Variants in SBNO2 observed in about 807,000 individuals in gnomAD.
The protein encoded by SBNO2 is strawberry notch homolog 2, also known as protein strawberry notch homolog 2.
A neutral mutation model predicts 146.3 loss-of-function variants in SBNO2; 89 were observed. That is an observed-to-expected ratio of 0.61 (90% CI 0.51 to 0.73). The LOEUF is 0.73. Among genes scored for constraint, SBNO2 ranks in the 30% least tolerant of loss-of-function variants. The pLI, the probability that SBNO2 is intolerant of heterozygous loss-of-function variation, is 0.00. For missense variants in SBNO2, 2,092 were observed against 2,003.7 expected, an observed-to-expected ratio of 1.04 and a Z score of -0.84; for synonymous variants, 1,147 against 892.6, an observed-to-expected ratio of 1.29 and a Z score of -5.08.
rs138233232 is a variant in SBNO2, at chr19:1,130,849, G to A, written c.280-3084C>T. Among the ~76,000 whole-genome samples, 415 of 152,268 alleles carry A rather than the reference G, an allele frequency of 2.7e-3. 1 individual carries two copies. Among genetic ancestry groups the A allele is most frequent in the Non-Finnish European group, 5.0e-3 (340 of 67,990 alleles). On this transcript the variant is annotated intron_variant, in intron 4 of 31. Transcript: ENST00000361757. ...ATGAGGGAGTGCTTGCAGCTTTCAGGCTTCAAGAACGCAGCCTCGAGGCCC... is the reference window on the plus strand; with the variant it reads ...ATGAGGGAGTGCTTGCAGCTTTCAGACTTCAAGAACGCAGCCTCGAGGCCC...
At chr19:1,159,583 GGGGACAGTGGA>G (rs1411517572) in intron 1 of SBNO2, among the ~76,000 whole-genome samples, 11 of 61,312 alleles carry the variant, frequency 1.8e-4, no homozygotes, top group African/African-American at 6.3e-4. Context: ...GGGAAGAGCA[GGGGACAGTGGA>G]GGGACAGCAG....
chr19:1,150,845 T>C lies in SBNO2; in HGVS notation c.94-1403A>G, dbSNP rs942069582. Among the ~76,000 whole-genome samples, 1 of 152,160 alleles carries C rather than the reference T, an allele frequency of 6.6e-6. No individual in the cohort carries two copies. The highest frequency in any genetic ancestry group is 2.4e-5 in the African/African-American group (1 of 41,438). ...TACCCGCAGGTGCTGGGTGGGGGATTCCAGGACCCCCGACAGCCTCGAGAT... is the reference window on the plus strand; with the variant it reads ...TACCCGCAGGTGCTGGGTGGGGGATCCCAGGACCCCCGACAGCCTCGAGAT... On this transcript the variant is annotated intron_variant, in intron 2 of 31. Transcript: ENST00000361757. The surrounding 1 kb of genome is among the most constrained non-coding windows in gnomAD (Gnocchi z 6.2).
intron 4 of SBNO2, among the ~76,000 whole-genome samples, chr19:1,142,212 T>A (rs147180074): frequency 4.9e-3 from 26 of 5,292 alleles, no homozygotes; most frequent in East Asian, 0.027. Flanking sequence ...ACCTCCCTCA[T>A]GATCAACCCT....
chr19:1,156,471 A>T (rs1326158272), intron 1 of SBNO2, among the ~76,000 whole-genome samples: 2 of 152,134 alleles, frequency 1.3e-5, no homozygotes, highest in African/African-American at 4.8e-5. Context: ...GCTGCTTGGC[A>T]GTCTGGGATT....
At chr19:1,161,925 G>GGGGGGGGGGC (rs2080350834) in intron 1 of SBNO2, among the ~76,000 whole-genome samples, 1 of 46,582 alleles carries the variant, frequency 2.1e-5, no homozygotes, top group African/African-American at 9.9e-5. Context: ...GGGGGGGGGG[G>GGGGGGGGGGC]TTGGGCCAGG....
chr19:1,153,843 T>C (rs1241440325), intron 2 of SBNO2, among the ~76,000 whole-genome samples: 1 of 152,222 alleles, frequency 6.6e-6, no homozygotes, highest in Non-Finnish European at 1.5e-5. Flanking sequence ...AGAAACATAT[T>C]TTTTAAGTAA....
intron 11 of SBNO2, among the ~76,000 whole-genome samples, chr19:1,121,081 G>A (rs192340693): frequency 1.4e-4 from 22 of 152,122 alleles, no homozygotes; most frequent in Admixed American, 5.9e-4. Flanking sequence ...TAGTACAGAC[G>A]TGGTTTCACC....
rs1307593835 is a variant in SBNO2, at chr19:1,122,927, G to A, written c.747C>T (p.Ala249=). The A allele has an allele frequency of 5.8e-6, 9 of 1,556,604 alleles. No individual in the cohort carries two copies. The highest frequency in any genetic ancestry group is 3.9e-5 in the Admixed American group (2 of 51,528). ...CGTAGGTGATGGCCTCTAGCTGCAGGGCAGACAGGGCCCCGCTGTCCGAGG... is the reference window on the plus strand; with the variant it reads ...CGTAGGTGATGGCCTCTAGCTGCAGAGCAGACAGGGCCCCGCTGTCCGAGG... ...ALPSDSGALS[A]LQLEAITYAC... The change falls in exon 8 of 32, where the codon GCC becomes GCT. Residue 249 remains alanine (A), a synonymous_variant. Coordinates refer to ENST00000361757, the MANE Select transcript of SBNO2 (RefSeq NM_014963.3).
At chr19:1,170,121 T>G (rs575579435) in intron 1 of SBNO2, among the ~76,000 whole-genome samples, 1 of 152,308 alleles carries the variant, frequency 6.6e-6, no homozygotes, top group East Asian at 1.9e-4. Context: ...AGAGCATCCA[T>G]GCCGGGCGCA....
chr19:1,146,431 G>A (rs2080190410), intron 4 of SBNO2, among the ~76,000 whole-genome samples: 1 of 152,140 alleles, frequency 6.6e-6, no homozygotes, highest in African/African-American at 2.4e-5. Flanking sequence ...CTTCTCTCTG[G>A]ATCTGGCCGG....
At chr19:1,139,276 T>C (rs2080113413) in intron 4 of SBNO2, among the ~76,000 whole-genome samples, 1 of 151,774 alleles carries the variant, frequency 6.6e-6, no homozygotes, top group Non-Finnish European at 1.5e-5. Flanking sequence ...TTCTATGAAA[T>C]GTGCAGGACA....
intron 1 of SBNO2, among the ~76,000 whole-genome samples, chr19:1,169,988 C>T (rs2080462113): frequency 6.6e-6 from 1 of 152,170 alleles, no homozygotes; most frequent in South Asian, 2.1e-4. Context: ...CTGGCCTGCT[C>T]TGGACACGTG....
At position 1,109,316 on chromosome 19, in the gene SBNO2, G is replaced by C. The variant is rs770087414; in HGVS notation, c.3324C>G (p.Asp1108Glu). ...IGRQSQLEALDSLRRKFHRVT... is the reference protein window; with the variant it reads ...IGRQSQLEALESLRRKFHRVT... Reference sequence around the variant, plus strand: ...CCCGGTGGAACTTGCGGCGGAGGCTGTCCAGGGCCTCCAGCTGGCTCTGCC... The same window carrying C: ...CCCGGTGGAACTTGCGGCGGAGGCTCTCCAGGGCCTCCAGCTGGCTCTGCC... The change falls in exon 29 of 32, where the codon GAC (aspartate) becomes GAG (glutamate). Residue 1108 changes from aspartate to glutamate, a missense_variant. Coordinates refer to ENST00000361757, the MANE Select transcript of SBNO2 (RefSeq NM_014963.3). The surrounding 1 kb of genome is among the most constrained non-coding windows in gnomAD (Gnocchi z 4.2). 1 of 1,597,402 alleles carries C rather than the reference G, an allele frequency of 6.3e-7. No homozygotes were observed. Among genetic ancestry groups the C allele is most frequent in the East Asian group, 2.3e-5 (1 of 44,140 alleles).
At chr19:1,139,843 G>A (rs2080118806) in intron 4 of SBNO2, among the ~76,000 whole-genome samples, 1 of 152,076 alleles carries the variant, frequency 6.6e-6, no homozygotes, top group East Asian at 1.9e-4. Context: ...TACTCAGGAG[G>A]CTGAGACAGG....
intron 4 of SBNO2, among the ~76,000 whole-genome samples, chr19:1,145,114 G>A (rs544009694): frequency 3.3e-5 from 5 of 152,002 alleles, no homozygotes; most frequent in African/African-American, 1.2e-4. Flanking sequence ...GATTGAGAGG[G>A]AGGGAGACAG....
chr19:1,113,898 G>A (rs958587068), intron 18 of SBNO2, among the ~76,000 whole-genome samples, 194 bp from the exon 19 acceptor site: 3 of 152,346 alleles, frequency 2.0e-5, no homozygotes, highest in Admixed American at 6.5e-5. Flanking sequence ...CAGCTGGGGC[G>A]AGACTAAGCC....
rs1440252875 is a variant in SBNO2, at chr19:1,140,254, C to T, written c.279+7055G>A. On this transcript the variant is annotated intron_variant, in intron 4 of 31. Coordinates refer to ENST00000361757, the MANE Select transcript of SBNO2 (RefSeq NM_014963.3). The surrounding 1 kb of genome is among the most constrained non-coding windows in gnomAD (Gnocchi z 4.4). ...GGCGTTGGTTGCAGTGAGCCGAGGT[C>T]ACGCCACTGCACTCCAGCCTGGGCG... 6.6e-6 allele frequency among the ~76,000 whole-genome samples: 1 copy of T among 151,216 alleles called. No homozygotes were observed. The highest frequency in any genetic ancestry group is 1.5e-5 in the Non-Finnish European group (1 of 67,884).
chr19:1,123,074 A>T lies in SBNO2; in HGVS notation c.629-29T>A, dbSNP rs1293913029. ...GAGGAGCAAGGACGGAGGGCAAGGT[A>T]AAGGGTATGGCCAAGGGGTGACCAG... On this transcript the variant is annotated intron_variant, in intron 7 of 31. Coordinates refer to ENST00000361757, the MANE Select transcript of SBNO2 (RefSeq NM_014963.3). 2.5e-6 allele frequency: 4 copies of T among 1,584,916 alleles called. No individual in the cohort carries two copies. In the Admixed American group the frequency reaches 7.2e-5, roughly 28 times the overall value.
At position 1,116,943 on chromosome 19, in the gene SBNO2, G is replaced by A. The variant is rs1222587310; in HGVS notation, c.1705-17C>T. 1.3e-6 allele frequency: 2 copies of A among 1,539,420 alleles called. No homozygotes were observed. Among genetic ancestry groups the A allele is most frequent in the Admixed American group, 1.9e-5 (1 of 51,730 alleles). On this transcript the variant is annotated splice_polypyrimidine_tract_variant and intron_variant, in intron 15 of 31. Transcript: ENST00000361757. Reference sequence around the variant, plus strand: ...GACCACGCACTGTGGGACGGCAGAGGACTGTGAGCCACCAGCCCTGCTGTG... The same window carrying A: ...GACCACGCACTGTGGGACGGCAGAGAACTGTGAGCCACCAGCCCTGCTGTG...
Sources: gnomAD v4.1 joint callset for allele counts (sites outside exome capture counted in the v4.1 genomes callset) on GRCh38, gnomAD v4.1.1 for gene constraint, Gnocchi (gnomAD v3.1) non-coding constraint, MANE v1.5 for transcripts, NCBI Gene and HGNC (gene_info 2026-07-23, HGNC 2026-07-21) for gene names.